Variants in YAF2 observed in about 807,000 individuals in gnomAD.
The protein encoded by YAF2 is YY1 associated factor 2, also known as YY1-associated factor 2.
In YAF2, 7 loss-of-function variants were observed where a neutral mutation model predicts 20.1. The observed-to-expected ratio is 0.35, with a 90% CI of 0.20 to 0.65. The LOEUF is 0.65. Among genes scored for constraint, YAF2 ranks in the 30% least tolerant of loss-of-function variants. The pLI is 0.69. For synonymous variants in YAF2, 74 were observed against 76.0 expected, an observed-to-expected ratio of 0.97 and a Z score of 0.14; for missense variants, 151 against 219.2, an observed-to-expected ratio of 0.69 and a Z score of 1.96.
Position 42,237,630 on chromosome 12 carries a change from T to C in YAF2, c.121A>G (p.Met41Val). The C allele has an allele frequency of 6.4e-7, 1 of 1,561,526 alleles. No homozygotes were observed. The highest frequency in any genetic ancestry group is 8.7e-7 in the Non-Finnish European group (1 of 1,154,574). Residue 41 changes from methionine (M) to valine (V), a missense_variant, in exon 2 of 4, where the codon ATG (methionine) becomes GTG (valine). Met to Val is a conservative substitution (Grantham distance 21). Coordinates refer to ENST00000534854, the MANE Select transcript of YAF2 (RefSeq NM_005748.6). ...GAGGTGCCCTTCCGCACATCGCACA[T>C]CATGCACTTGAAGGCCTCGGCGCTG... ...RNSAEAFKCM[M>V]CDVRKGTSTR...
chr12:42,235,709 G>A, intron 2 of YAF2: 1 of 1,533,284 alleles, frequency 6.5e-7, no homozygotes, highest in Non-Finnish European at 8.7e-7. Flanking sequence ...TCCTCCTCAA[G>A]TAATGTTTCC....
chr12:42,183,794 A>G (rs756715099), intron 2 of YAF2, among the ~76,000 whole-genome samples: 6 of 152,272 alleles, frequency 3.9e-5, no homozygotes, highest in African/African-American at 7.2e-5. Context: ...TAGACAAAAA[A>G]GCATTATTGA....
intron 2 of YAF2, among the ~76,000 whole-genome samples, chr12:42,207,685 G>A (rs185658013): frequency 1.3e-5 from 2 of 151,578 alleles, no homozygotes; most frequent in South Asian, 2.1e-4. Flanking sequence ...AAGGTCAGGC[G>A]ATCAAGACCA....
chr12:42,227,765 G>A (rs1365222102), intron 2 of YAF2, among the ~76,000 whole-genome samples: 3 of 148,276 alleles, frequency 2.0e-5, no homozygotes, highest in African/African-American at 5.0e-5. Flanking sequence ...TCAGCCCCCC[G>A]CCTGGCCAGC....
At chr12:42,186,436 G>A (rs1037155419) in intron 2 of YAF2, among the ~76,000 whole-genome samples, 2 of 152,058 alleles carry the variant, frequency 1.3e-5, no homozygotes, top group African/African-American at 4.8e-5. Context: ...ACTTTCCTGA[G>A]GGGGGCAGAG....
At chr12:42,180,275 A>T (rs573561761) in intron 2 of YAF2, among the ~76,000 whole-genome samples, 2 of 151,552 alleles carry the variant, frequency 1.3e-5, no homozygotes, top group South Asian at 4.2e-4. Context: ...TTCTACCCTC[A>T]CTCTCTCCCC....
At chr12:42,164,270 T>C (rs115829463) in intron 2 of YAF2, among the ~76,000 whole-genome samples, 1,600 of 152,344 alleles carry the variant, frequency 0.011, 29 homozygotes, top group African/African-American at 0.037. Flanking sequence ...GTATAAGTTT[T>C]GCAGTCTGTT....
chr12:42,228,809 G>A (rs1219779536), intron 2 of YAF2, among the ~76,000 whole-genome samples: 4 of 57,894 alleles, frequency 6.9e-5, no homozygotes, highest in African/African-American at 5.1e-4. Flanking sequence ...CCCCCCGCCC[G>A]GCCAGCCGCC....
chr12:42,201,451 A>ATTTTATGTGTATCATCT (rs1309538493), intron 2 of YAF2, among the ~76,000 whole-genome samples: 1 of 152,114 alleles, frequency 6.6e-6, no homozygotes, highest in Non-Finnish European at 1.5e-5. Flanking sequence ...TCCATTGTTC[A>ATTTTATGTGTATCATCT]TTTTATGTGT....
At chr12:42,215,975 T>TAAAG (rs2067346056) in intron 2 of YAF2, among the ~76,000 whole-genome samples, 1 of 138,272 alleles carries the variant, frequency 7.2e-6, no homozygotes, top group Non-Finnish European at 1.6e-5. Context: ...AATAAATAAA[T>TAAAG]AAAGCTACTG....
At chr12:42,175,740 CAAAAAAAAAAAAAAAA>C (rs59476115) in intron 2 of YAF2, among the ~76,000 whole-genome samples, 1 of 45,016 alleles carries the variant, frequency 2.2e-5, no homozygotes, top group African/African-American at 7.7e-5. Flanking sequence ...GACTCTGTCT[CAAAAAAAAAAAAAAAA>C]AAAAAAAAAA....
chr12:42,188,791 G>A (rs574945609), intron 2 of YAF2, among the ~76,000 whole-genome samples: 1 of 151,878 alleles, frequency 6.6e-6, no homozygotes, highest in African/African-American at 2.4e-5. Context: ...CTGTTGAGAC[G>A]CTATTCACTT....
At chr12:42,216,194 T>C (rs1424975171) in intron 2 of YAF2, among the ~76,000 whole-genome samples, 2 of 152,160 alleles carry the variant, frequency 1.3e-5, no homozygotes, top group African/African-American at 4.8e-5. Context: ...CCTACCAATA[T>C]TAACCTCCTT....
intron 2 of YAF2, among the ~76,000 whole-genome samples, chr12:42,219,053 G>A (rs2067441601): frequency 6.6e-6 from 1 of 152,166 alleles, no homozygotes; most frequent in Admixed American, 6.5e-5. Flanking sequence ...AAACAGGGCA[G>A]TGATTTTCCA....
intron 2 of YAF2, among the ~76,000 whole-genome samples, chr12:42,228,059 GGAGGTGAGGGGCGCCTCTGC>G (rs2067808382): frequency 8.9e-6 from 1 of 112,708 alleles, no homozygotes; most frequent in Non-Finnish European, 1.9e-5. Context: ...GCCCCGTCTG[GGAGGTGAGGGGCGCCTCTGC>G]CCAGCCGCCC....
In YAF2 at chr12:42,159,563, A is replaced by AT. The variant is rs1377641635; in HGVS notation, c.*1025dup. 1 of 152,050 alleles carries AT rather than the reference A, an allele frequency of 6.6e-6. No homozygotes were observed. The highest frequency in any genetic ancestry group is 1.5e-5 in the Non-Finnish European group (1 of 67,932). The allele number at this position is 152,050 out of a possible 1,614,324, so 9.4% of individuals were successfully genotyped here. On this transcript the variant is annotated 3_prime_UTR_variant, in exon 4 of 4. Coordinates refer to ENST00000534854, the MANE Select transcript of YAF2 (RefSeq NM_005748.6). Reference sequence around the variant, plus strand: ...CTGTGTCTGAAAATAGGGTACTATGATTTTCATAAGAATTATTGTATTTAA... The same window carrying AT: ...CTGTGTCTGAAAATAGGGTACTATGATTTTTCATAAGAATTATTGTATTTAA...
At chr12:42,206,784 G>C (rs887653947) in intron 2 of YAF2, among the ~76,000 whole-genome samples, 4 of 151,984 alleles carry the variant, frequency 2.6e-5, no homozygotes, top group Non-Finnish European at 5.9e-5. Flanking sequence ...CTGCTTCAAG[G>C]CATGAAAAGT....
intron 2 of YAF2, among the ~76,000 whole-genome samples, chr12:42,223,571 A>G: frequency 6.6e-6 from 1 of 152,100 alleles, no homozygotes; most frequent in Admixed American, 6.6e-5. Flanking sequence ...TATGTTGCCC[A>G]GGCTAGTCTT....
chr12:42,170,775 GGTT>G (rs1393021351), intron 2 of YAF2, among the ~76,000 whole-genome samples: 1 of 152,204 alleles, frequency 6.6e-6, no homozygotes, highest in African/African-American at 2.4e-5. Context: ...AGCCTTGGGA[GGTT>G]GAGACTGCAG....
Sources: allele counts gnomAD v4.1 joint callset (sites outside exome capture counted in the v4.1 genomes callset), GRCh38; gene constraint gnomAD v4.1.1; transcripts MANE v1.5; gene names NCBI Gene and HGNC (gene_info 2026-07-23, HGNC 2026-07-21).